HDAC9: variants seen among roughly 807,000 people sequenced by gnomAD.
HDAC9 encodes histone deacetylase 9, also known as MEF-2 interacting transcription repressor (MITR) protein.
HDAC9 carries 41 observed loss-of-function variants against 139.4 expected under a neutral mutation model. The ratio of observed to expected loss-of-function variants is 0.29; its 90% CI spans 0.23 to 0.38. HDAC9 has a LOEUF of 0.38. Ranked by LOEUF, HDAC9 falls within the 10% of genes least tolerant of loss-of-function variation. The pLI is 1.00. For missense variants in HDAC9, 1,147 were observed against 1,297.0 expected (o/e 0.88, Z 1.78); for synonymous variants, 517 against 476.2 (o/e 1.09, Z -1.12).
chr7:18,490,203 T>C (rs1470982147), intron 1 of HDAC9, among the ~76,000 whole-genome samples: 3 of 152,088 alleles, frequency 2.0e-5, no homozygotes, highest in East Asian at 1.9e-4. Context: ...AACTTTATTG[T>C]GCATCAGAAT....
intron 21 of HDAC9, among the ~76,000 whole-genome samples, chr7:18,848,072 G>T (rs1417104527): frequency 1.3e-5 from 2 of 152,162 alleles, no homozygotes; most frequent in African/African-American, 4.8e-5. Context: ...GTTATGCACA[G>T]GTGGACTGGG....
At chr7:18,827,860 T>C (rs1795571087) in intron 17 of HDAC9, among the ~76,000 whole-genome samples, 1 of 152,162 alleles carries the variant, frequency 6.6e-6, no homozygotes, top group South Asian at 2.1e-4. Flanking sequence ...CTCTATAGTG[T>C]CAATCTACCA....
chr7:18,985,238 G>T (rs1785245704), intron 25 of HDAC9, among the ~76,000 whole-genome samples: 2 of 150,784 alleles, frequency 1.3e-5, no homozygotes, highest in Admixed American at 6.6e-5. Context: ...CCCCACAACA[G>T]ACCCCAGAGT....
At chr7:18,197,968 A>C (rs1310419468) in intron 2 of HDAC9, among the ~76,000 whole-genome samples, 2 of 152,164 alleles carry the variant, frequency 1.3e-5, no homozygotes, top group Non-Finnish European at 1.5e-5. Context: ...AGGAGATTGG[A>C]TTAAGAATTT....
intron 2 of HDAC9, among the ~76,000 whole-genome samples, chr7:18,522,923 G>T (rs2128219282): frequency 6.6e-6 from 1 of 152,304 alleles, no homozygotes; most frequent in South Asian, 2.1e-4. Context: ...CTGTATTTAG[G>T]CCAAAGTAAA....
chr7:18,362,089 C>T (rs1205326807), intron 1 of HDAC9, among the ~76,000 whole-genome samples: 4 of 152,172 alleles, frequency 2.6e-5, no homozygotes, highest in Non-Finnish European at 5.9e-5. Context: ...TCCAATTCTC[C>T]TAGGTGTCGT....
At chr7:18,249,672 TTTC>T (rs1373640928) in intron 2 of HDAC9, among the ~76,000 whole-genome samples, 1 of 152,120 alleles carries the variant, frequency 6.6e-6, no homozygotes, top group Non-Finnish European at 1.5e-5. Flanking sequence ...AAATTAACTC[TTTC>T]TTATCAATGA....
intron 2 of HDAC9, among the ~76,000 whole-genome samples, chr7:18,553,885 G>A (rs1817908738): frequency 6.6e-6 from 1 of 152,176 alleles, no homozygotes; most frequent in African/African-American, 2.4e-5. Flanking sequence ...TAATGGATAA[G>A]TTAAATGCCG....
rs564602190 is a variant in HDAC9 at position 18,272,995 on chromosome 7, C to G, written c.25+110646C>G. 3.6e-3 allele frequency among the ~76,000 whole-genome samples: 532 copies of G among 148,720 alleles called. 3 individuals carry two copies. The highest frequency in any genetic ancestry group is 0.012 in the African/African-American group (492 of 39,634). On this transcript the variant is annotated intron_variant, in intron 2 of 12. Coordinates refer to the HDAC9 transcript ENST00000417496. ...TCTTCCTCCTCTTTCTCCTCCTCCT[C>G]CTCTTCTTCTTCTTCTTCCTCCTCC...
chr7:18,401,578 C>A (rs534649424), intron 1 of HDAC9, among the ~76,000 whole-genome samples: 1 of 152,176 alleles, frequency 6.6e-6, no homozygotes, highest in Non-Finnish European at 1.5e-5. Flanking sequence ...ACCTCAATGC[C>A]TCAGCAGAAC....
chr7:18,256,465 G>A (rs1795251089), intron 2 of HDAC9, among the ~76,000 whole-genome samples: 2 of 152,136 alleles, frequency 1.3e-5, no homozygotes. Context: ...AATTGATGGT[G>A]TATTATCAAG....
Position 18,676,388 on chromosome 7 carries a change from C to T in HDAC9, c.1731+9912C>T, listed in dbSNP as rs141918081. 1.1e-3 allele frequency among the ~76,000 whole-genome samples: 166 copies of T among 150,938 alleles called. 2 individuals carry two copies. The highest frequency in any genetic ancestry group is 6.5e-3 in the East Asian group (33 of 5,056). ...TCTAGTTAGGTAAATGCTCAAAGAA[C>T]TTAGAATGGGAAATCTTGCAATGAT... On this transcript the variant is annotated intron_variant, in intron 12 of 25. Transcript: ENST00000686413.
intron 1 of HDAC9, among the ~76,000 whole-genome samples, chr7:18,479,148 A>G (rs1207702554): frequency 1.3e-5 from 2 of 151,790 alleles, no homozygotes; most frequent in African/African-American, 2.4e-5. Context: ...TTTCTTTATG[A>G]TTTGTGTTCT....
At chr7:18,354,678 A>T (rs917612230) in intron 1 of HDAC9, among the ~76,000 whole-genome samples, 1 of 152,110 alleles carries the variant, frequency 6.6e-6, no homozygotes, top group Non-Finnish European at 1.5e-5. Context: ...CTTTTGTCTA[A>T]TTTGTTTTAT....
Position 18,182,827 on chromosome 7 carries a change from G to C in HDAC9, c.25+20478G>C, listed in dbSNP as rs370632694. The stretch of plus-strand genomic sequence containing the variant: ...CTGATGAAGAGTAGTTGAATTCAAA[G>C]ACAGGAATTTAAGAATCATCAGAAG... On this transcript the variant is annotated intron_variant, in intron 2 of 12. Coordinates refer to the HDAC9 transcript ENST00000417496. 3.1e-4 allele frequency among the ~76,000 whole-genome samples: 47 copies of C among 152,220 alleles called. No individual in the cohort carries two copies. The South Asian group carries it at 9.5e-3, about 31-fold the overall frequency.
chr7:18,101,458 A>G (rs1407554917), intron 1 of HDAC9, among the ~76,000 whole-genome samples: 3 of 152,316 alleles, frequency 2.0e-5, no homozygotes, highest in Non-Finnish European at 2.9e-5. Context: ...TTTCTTAGGC[A>G]GGGGGATAAT....
chr7:18,391,899 G>T (rs1786520806), intron 1 of HDAC9, among the ~76,000 whole-genome samples: 1 of 152,166 alleles, frequency 6.6e-6, no homozygotes, highest in Admixed American at 6.5e-5. Context: ...GCAGAGCCTG[G>T]TATGTAGTAA....
chr7:18,089,073 A>T (rs1781979473), intron 1 of HDAC9, among the ~76,000 whole-genome samples: 4 of 152,224 alleles, frequency 2.6e-5, no homozygotes, highest in African/African-American at 9.6e-5. Flanking sequence ...AGCCAGAGGG[A>T]GAGAGATGCT....
chr7:18,570,704 A>T (rs1468320968), intron 2 of HDAC9, among the ~76,000 whole-genome samples: 1 of 152,190 alleles, frequency 6.6e-6, no homozygotes, highest in African/African-American at 2.4e-5. Context: ...TGTAAGTAAG[A>T]ATCCCAAGCA....
Sources: allele counts gnomAD v4.1 joint callset (sites outside exome capture counted in the v4.1 genomes callset), GRCh38; gene constraint gnomAD v4.1.1; transcripts MANE v1.5; gene names NCBI Gene and HGNC (gene_info 2026-07-23, HGNC 2026-07-21).